The following SERPINB13 variants were observed in gnomAD, a reference collection of about 807,000 sequenced individuals.
SERPINB13 encodes serpin B13.
SERPINB13 carries 26 observed loss-of-function variants against 31.2 expected under a neutral mutation model. That is an observed-to-expected ratio of 0.83 (90% CI 0.61 to 1.15). SERPINB13 has a LOEUF of 1.15. SERPINB13 is among the 50% of genes most tolerant of loss of function. The pLI is 0.00. For synonymous variants in SERPINB13, 191 were observed against 172.4 expected (o/e 1.11, Z -0.85); for missense variants, 510 against 469.4 (o/e 1.09, Z -0.80).
intron 4 of SERPINB13, 21 bp from the exon 5 acceptor site, chr18:63,592,833 C>G (rs1235948568): frequency 1.4e-6 from 2 of 1,447,694 alleles, no homozygotes; most frequent in African/African-American, 1.4e-5. Context: ...TCTTTTTATT[C>G]CTTCCTTGTT....
rs201928253 is a variant in SERPINB13, at chr18:63,595,017, A to T, written c.616-12A>T. 8.7e-6 allele frequency: 14 copies of T among 1,601,446 alleles called. No homozygotes were observed. In the Admixed American group the frequency reaches 1.4e-4, roughly 16 times the overall value. On this transcript the variant is annotated splice_polypyrimidine_tract_variant and intron_variant, in intron 6 of 7. Transcript: ENST00000344731. ...GTCCTTTGATATTGTGTGCTCTGTT[A>T]ATTTGTTGCAGAGCACAAGTAAATC...
chr18:63,591,690 T>C (rs1911862840), intron 3 of SERPINB13, among the ~76,000 whole-genome samples: 1 of 152,046 alleles, frequency 6.6e-6, no homozygotes, highest in South Asian at 2.1e-4. Context: ...AATTTTCATG[T>C]ATTATTTTTG....
At chr18:63,588,974 A>T in intron 2 of SERPINB13, 142 bp downstream of exon 2, 1 of 919,334 alleles carries the variant, frequency 1.1e-6, no homozygotes, top group Non-Finnish European at 1.6e-6. Flanking sequence ...GACAAGGAGC[A>T]ATTTCAGGTC....
At chr18:63,590,242 A>G (rs1368509145) in intron 3 of SERPINB13, among the ~76,000 whole-genome samples, 1 of 152,182 alleles carries the variant, frequency 6.6e-6, no homozygotes, top group East Asian at 1.9e-4. Context: ...TACAGGCCCA[A>G]TGACTTCCTG....
chr18:63,597,221 C>G lies in SERPINB13; in HGVS notation c.1034C>G (p.Ala345Gly), dbSNP rs570785632. 68 of 1,614,214 alleles carry G rather than the reference C, an allele frequency of 4.2e-5. 1 individual carries two copies. In the South Asian group the frequency reaches 5.2e-4, roughly 12 times the overall value. Residue 345 changes from alanine to glycine, a missense_variant, in exon 8 of 8, where the codon GCT becomes GGT. Ala to Gly is a moderately conservative substitution (Grantham distance 60, BLOSUM62 0). Coordinates refer to ENST00000344731, the MANE Select transcript of SERPINB13 (RefSeq NM_012397.4). The stretch of plus-strand genomic sequence containing the variant: ...GCAGTAACTGAGGAAGGCACCGAGG[C>G]TGCAGCTGCCACCGGCATAGGCTTT... ...FVAVTEEGTE[A>G]AAATGIGFTV...
At position 63,591,995 on chromosome 18, in the gene SERPINB13, T is replaced by A. The variant is rs116553646; in HGVS notation, c.226-353T>A. Among the ~76,000 whole-genome samples the A allele has an allele frequency of 9.6e-3, 1,460 of 152,296 alleles. 18 individuals are homozygous for A. The highest frequency in any genetic ancestry group is 0.034 in the African/African-American group (1,402 of 41,562). On this transcript the variant is annotated intron_variant, in intron 3 of 7. Coordinates refer to ENST00000344731, the MANE Select transcript of SERPINB13 (RefSeq NM_012397.4). ...GATAAGAATCGTCCGGAGAAATCAC[T>A]TACTTTCCTTAGATGCTTAGAATCT...
Position 63,589,847 on chromosome 18 carries a change from A to G in SERPINB13, c.225+132A>G, listed in dbSNP as rs185439891. On this transcript the variant is annotated intron_variant, in intron 3 of 7. Transcript: ENST00000344731. ...ATGAAAGCAATATTGTTGCTTTACTATTAAGCAATAATAATCACCATAGAC... is the reference window on the plus strand; with the variant it reads ...ATGAAAGCAATATTGTTGCTTTACTGTTAAGCAATAATAATCACCATAGAC... The G allele has an allele frequency of 1.2e-3, 1,828 of 1,502,736 alleles. 3 individuals carry two copies. The highest frequency in any genetic ancestry group is 2.0e-3 in the Admixed American group (87 of 44,496). The allele number at this position is 1,502,736 out of a possible 1,614,324, so 93.1% of individuals were successfully genotyped here.
At chr18:63,594,901 T>C in intron 6 of SERPINB13, 128 bp from the exon 7 acceptor site, 1 of 864,502 alleles carries the variant, frequency 1.2e-6, no homozygotes, top group African/African-American at 1.7e-5. Flanking sequence ...TAGTGGATGC[T>C]CATTCTGAGA....
chr18:63,597,081 G>A lies in SERPINB13; in HGVS notation c.894G>A (p.Ala298=), dbSNP rs1171667116. 2.5e-6 allele frequency: 4 copies of A among 1,614,188 alleles called. No individual in the cohort carries two copies. Among genetic ancestry groups the A allele is most frequent in the East Asian group, 4.5e-5 (2 of 44,888 alleles). ...FEVEDGYDLE[A]VLAAMGMGDA... ...TGGAGGACGGTTACGATCTAGAGGC[G>A]GTCCTGGCTGCCATGGGGATGGGCG... Residue 298 remains alanine, a synonymous_variant, in exon 8 of 8, where the codon GCG becomes GCA. Coordinates refer to ENST00000344731, the MANE Select transcript of SERPINB13 (RefSeq NM_012397.4).
chr18:63,592,179 A>G (rs1423786783), intron 3 of SERPINB13, among the ~76,000 whole-genome samples, 169 bp from the exon 4 acceptor site: 2 of 152,202 alleles, frequency 1.3e-5, no homozygotes, highest in Non-Finnish European at 2.9e-5. Flanking sequence ...TGACATTATC[A>G]TATGACTTGG....
intron 7 of SERPINB13, among the ~76,000 whole-genome samples, 167 bp from the exon 8 acceptor site, chr18:63,596,792 G>A (rs7239082): frequency 0.049 from 7,466 of 152,164 alleles, 567 homozygotes; most frequent in African/African-American, 0.17. Flanking sequence ...TAAACAGAGA[G>A]ATATAAGACA....
At chr18:63,592,563 C>A in intron 4 of SERPINB13, 87 bp downstream of exon 4, 1 of 1,334,436 alleles carries the variant, frequency 7.5e-7, no homozygotes, top group Admixed American at 2.0e-5. Flanking sequence ...TGAAGTCGTG[C>A]TGCCTGGCTC....
intron 7 of SERPINB13, among the ~76,000 whole-genome samples, chr18:63,596,338 TA>T (rs1248379812): frequency 2.0e-5 from 3 of 152,188 alleles, no homozygotes; most frequent in African/African-American, 7.2e-5. Context: ...TCTAAAGAAA[TA>T]ATGCAGAAGA....
rs562269359 is a variant in SERPINB13 at position 63,588,881 on chromosome 18, T to TG, written c.165+51dup. ...CTTGTTTCCTATGCACAAATTCATT[T>TG]GGCGGGGGGGTTGTCAGCCCTCTTG... On this transcript the variant is annotated intron_variant, in intron 2 of 7. Coordinates refer to ENST00000344731, the MANE Select transcript of SERPINB13 (RefSeq NM_012397.4). 104 of 1,506,034 alleles carry TG rather than the reference T, an allele frequency of 6.9e-5. 1 individual carries two copies. The African/African-American group carries it at 9.4e-4, about 14-fold the overall frequency. 93.3% of individuals were successfully genotyped at this position (1,506,034 alleles called of 1,614,324 possible).
In SERPINB13 at chr18:63,592,492, C is replaced by A; in HGVS notation, c.354+16C>A. On this transcript the variant is annotated intron_variant, in intron 4 of 7. Coordinates refer to ENST00000344731, the MANE Select transcript of SERPINB13 (RefSeq NM_012397.4). Reference sequence around the variant, plus strand: ...CTTCCTTCAAGTAAGTTTGCCATGCCTACCATATCTGTGAGTGGTATTCTG... The same window carrying A: ...CTTCCTTCAAGTAAGTTTGCCATGCATACCATATCTGTGAGTGGTATTCTG... 6.2e-7 allele frequency: 1 copy of A among 1,610,986 alleles called. No homozygotes were observed. The highest frequency in any genetic ancestry group is 1.1e-5 in the South Asian group (1 of 90,308).
chr18:63,589,072 G>A (rs761993752), intron 2 of SERPINB13, among the ~76,000 whole-genome samples: 29 of 152,104 alleles, frequency 1.9e-4, no homozygotes, highest in Non-Finnish European at 3.4e-4. Context: ...GACTGGTTGC[G>A]TAACCTTGTC....
At position 63,590,284 on chromosome 18, in the gene SERPINB13, C is replaced by T. The variant is rs113962401; in HGVS notation, c.225+569C>T. On this transcript the variant is annotated intron_variant, in intron 3 of 7. Transcript: ENST00000344731. ...TTTCCAGCTCCAGTGTTCCTGTATT[C>T]GCCATCCAAAGGAGAGTCTACTCAA... Among the ~76,000 whole-genome samples, 270 of 152,260 alleles carry T rather than the reference C, an allele frequency of 1.8e-3. 1 individual carries two copies. Among genetic ancestry groups the T allele is most frequent in the South Asian group, 0.013 (62 of 4,822 alleles).
chr18:63,596,735 A>G (rs2144412888), intron 7 of SERPINB13, among the ~76,000 whole-genome samples: 1 of 152,330 alleles, frequency 6.6e-6, no homozygotes, highest in Non-Finnish European at 1.5e-5. Flanking sequence ...TTTAATCTTT[A>G]AAAATGTATT....
chr18:63,594,212 CA>C, intron 5 of SERPINB13, 142 bp from the exon 6 acceptor site: 1 of 1,541,252 alleles, frequency 6.5e-7, no homozygotes, highest in African/African-American at 1.4e-5. Flanking sequence ...ATTCTGCCAG[CA>C]AACCCTTTGT....
Sources: allele counts gnomAD v4.1 joint callset (sites outside exome capture counted in the v4.1 genomes callset), GRCh38; gene constraint gnomAD v4.1.1; transcripts MANE v1.5; gene names NCBI Gene and HGNC (gene_info 2026-07-23, HGNC 2026-07-21).